The following CHODL variants were observed in gnomAD, a reference collection of about 807,000 sequenced individuals.
The protein encoded by CHODL is chondrolectin.
A neutral mutation model predicts 34.5 loss-of-function variants in CHODL; 29 were observed. The observed-to-expected ratio is 0.84, with a 90% CI of 0.63 to 1.15. CHODL has a LOEUF of 1.15. Ranked by LOEUF, CHODL falls within the 50% of genes most tolerant of loss-of-function variation. CHODL has a pLI of 0.00. For missense variants in CHODL, 332 were observed against 332.5 expected (o/e 1.00, Z 0.01); for synonymous variants, 125 against 116.1 (o/e 1.08, Z -0.49).
At chr21:18,130,653 G>GA (rs563695923) in intron 2 of CHODL, among the ~76,000 whole-genome samples, 84 of 152,060 alleles carry the variant, frequency 5.5e-4, no homozygotes, top group Non-Finnish European at 1.0e-3. Context: ...CAATCTGCTT[G>GA]AAAAAAATCT....
chr21:18,191,743 A>G (rs1332209172), intron 2 of CHODL, among the ~76,000 whole-genome samples: 3 of 152,170 alleles, frequency 2.0e-5, no homozygotes, highest in Non-Finnish European at 4.4e-5. Context: ...TATATGAGGT[A>G]TCTAAAATAG....
intron 1 of CHODL, among the ~76,000 whole-genome samples, chr21:18,018,288 G>A (rs2064094208): frequency 6.6e-6 from 1 of 152,126 alleles, no homozygotes; most frequent in Non-Finnish European, 1.5e-5. Context: ...ATTTTTGGGA[G>A]AGGTCAAGGG....
At chr21:18,185,901 G>A (rs1255466740) in intron 2 of CHODL, among the ~76,000 whole-genome samples, 3 of 152,118 alleles carry the variant, frequency 2.0e-5, no homozygotes, top group South Asian at 2.1e-4. Context: ...CCATTCATGA[G>A]TGTGTAACCC....
intron 2 of CHODL, among the ~76,000 whole-genome samples, chr21:18,111,792 C>T (rs1352480336): frequency 6.6e-6 from 1 of 152,128 alleles, no homozygotes; most frequent in Non-Finnish European, 1.5e-5. Flanking sequence ...ACCATTGCTA[C>T]CAATATATCT....
At chr21:18,157,224 G>A (rs200205835) in intron 2 of CHODL, among the ~76,000 whole-genome samples, 1 of 152,152 alleles carries the variant, frequency 6.6e-6, no homozygotes. Context: ...TGGAAGATAC[G>A]TTGTGGGTAT....
chr21:18,019,673 A>T (rs1016214282), intron 1 of CHODL, among the ~76,000 whole-genome samples: 5 of 152,170 alleles, frequency 3.3e-5, no homozygotes, highest in African/African-American at 1.2e-4. Flanking sequence ...TTTGTTTTTT[A>T]AAAAATAATT....
At chr21:18,120,557 C>A (rs1281381534) in intron 2 of CHODL, among the ~76,000 whole-genome samples, 1 of 152,086 alleles carries the variant, frequency 6.6e-6, no homozygotes, top group Non-Finnish European at 1.5e-5. Context: ...CTGATTCACA[C>A]AAAACATTTA....
At chr21:18,159,593 T>C (rs2073073281) in intron 2 of CHODL, among the ~76,000 whole-genome samples, 2 of 152,204 alleles carry the variant, frequency 1.3e-5, no homozygotes, top group South Asian at 4.1e-4. Context: ...GTGTTTAGTA[T>C]TTTGGGAAGC....
At chr21:18,116,232 G>T (rs2065411326) in intron 2 of CHODL, among the ~76,000 whole-genome samples, 1 of 152,012 alleles carries the variant, frequency 6.6e-6, no homozygotes, top group Non-Finnish European at 1.5e-5. Flanking sequence ...CCTGAGATCT[G>T]ACCCATATGG....
At chr21:17,969,860 G>A (rs2063600476) in intron 1 of CHODL, among the ~76,000 whole-genome samples, 1 of 152,002 alleles carries the variant, frequency 6.6e-6, no homozygotes, top group Non-Finnish European at 1.5e-5. Context: ...ATAATTATTG[G>A]GCTCTTCTCT....
intron 2 of CHODL, among the ~76,000 whole-genome samples, chr21:18,091,819 C>G (rs118076294): frequency 6.6e-6 from 1 of 152,112 alleles, no homozygotes; most frequent in Non-Finnish European, 1.5e-5. Context: ...CAGAATGCCC[C>G]GTGGACCAGT....
At chr21:18,178,976 C>A (rs1200265353) in intron 2 of CHODL, among the ~76,000 whole-genome samples, 1 of 152,120 alleles carries the variant, frequency 6.6e-6, no homozygotes, top group East Asian at 1.9e-4. Context: ...AGAGTAATGT[C>A]TTCTGGAAGT....
At chr21:18,172,630 G>C (rs1480101270) in intron 2 of CHODL, among the ~76,000 whole-genome samples, 1 of 151,890 alleles carries the variant, frequency 6.6e-6, no homozygotes, top group Non-Finnish European at 1.5e-5. Flanking sequence ...TACTTACAGA[G>C]TTTTGAAAAA....
At chr21:18,156,108 G>GA (rs2073031142) in intron 2 of CHODL, among the ~76,000 whole-genome samples, 1 of 152,056 alleles carries the variant, frequency 6.6e-6, no homozygotes, top group Non-Finnish European at 1.5e-5. Context: ...GGGTAGAAAG[G>GA]AAAATCAAAG....
intron 2 of CHODL, among the ~76,000 whole-genome samples, chr21:18,097,369 G>A (rs1405807380): frequency 6.6e-6 from 1 of 152,102 alleles, no homozygotes; most frequent in Non-Finnish European, 1.5e-5. Flanking sequence ...AACAAATTGA[G>A]TAAAGTTGCA....
intron 1 of CHODL, among the ~76,000 whole-genome samples, chr21:18,026,669 T>C (rs2064178968): frequency 6.6e-6 from 1 of 152,192 alleles, no homozygotes; most frequent in Non-Finnish European, 1.5e-5. Flanking sequence ...TCCTTTGCTT[T>C]CTTCACATGC....
chr21:18,152,267 A>G (rs1235264617), intron 2 of CHODL, among the ~76,000 whole-genome samples: 2 of 152,220 alleles, frequency 1.3e-5, no homozygotes, highest in Non-Finnish European at 2.9e-5. Context: ...CTACAAAATA[A>G]TAGACTTGGA....
intron 2 of CHODL, among the ~76,000 whole-genome samples, chr21:18,088,907 C>T (rs1424504083): frequency 6.6e-6 from 1 of 152,134 alleles, no homozygotes; most frequent in Non-Finnish European, 1.5e-5. Flanking sequence ...CACTCCTTAC[C>T]TAGCCTGTTC....
At chr21:18,261,832 A>T (rs912944204) in intron 4 of CHODL, among the ~76,000 whole-genome samples, 14 of 152,258 alleles carry the variant, frequency 9.2e-5, no homozygotes, top group Non-Finnish European at 2.1e-4. Context: ...GGATTAAAAA[A>T]TGATTCATTT....
Sources: allele counts gnomAD v4.1 joint callset (sites outside exome capture counted in the v4.1 genomes callset), GRCh38; gene constraint gnomAD v4.1.1; transcripts MANE v1.5; gene names NCBI Gene and HGNC (gene_info 2026-07-23, HGNC 2026-07-21).